Variants in SOX6 observed in about 807,000 individuals in gnomAD.
SOX6 encodes SRY-box transcription factor 6, also known as transcription factor SOX-6.
A neutral mutation model predicts 97.8 loss-of-function variants in SOX6; 11 were observed. The observed-to-expected ratio is 0.11, with a 90% CI of 0.07 to 0.19. SOX6 has a LOEUF of 0.19. Among genes scored for constraint, SOX6 ranks in the 10% least tolerant of loss-of-function variants. The pLI is 1.00. For synonymous variants in SOX6, 360 were observed against 371.4 expected (o/e 0.97, Z 0.35); for missense variants, 810 against 1,039.5 (o/e 0.78, Z 3.04).
intron 4 of SOX6, among the ~76,000 whole-genome samples, chr11:16,206,082 T>A (rs1852063878): frequency 6.6e-6 from 1 of 152,076 alleles, no homozygotes; most frequent in Admixed American, 6.5e-5. Flanking sequence ...GAATGGCAAA[T>A]GTATGTATGT....
intron 12 of SOX6, among the ~76,000 whole-genome samples, chr11:16,015,978 G>A (rs1340742100): frequency 3.3e-5 from 5 of 152,008 alleles, no homozygotes; most frequent in Middle Eastern, 3.2e-3. Flanking sequence ...TTCCAGCTCC[G>A]GGAATGGTTT....
chr11:16,132,315 G>A (rs377518963), intron 6 of SOX6, among the ~76,000 whole-genome samples: 4 of 106,348 alleles, frequency 3.8e-5, no homozygotes, highest in South Asian at 3.1e-4. Context: ...AGGAAGGAAG[G>A]AAGGAAGGAA....
intron 4 of SOX6, among the ~76,000 whole-genome samples, chr11:16,220,757 G>A (rs1852513946): frequency 1.3e-5 from 2 of 151,942 alleles, no homozygotes; most frequent in Non-Finnish European, 2.9e-5. Flanking sequence ...ATGCATGGTT[G>A]TTGTTGTTGT....
chr11:16,600,065 T>C (rs1357502184), intron 4 of SOX6, among the ~76,000 whole-genome samples: 1 of 152,232 alleles, frequency 6.6e-6, no homozygotes, highest in Non-Finnish European at 1.5e-5. Flanking sequence ...CATAAATGTT[T>C]GTACAAAATT....
chr11:16,642,222 T>C (rs945378036), intron 3 of SOX6, among the ~76,000 whole-genome samples: 16 of 152,204 alleles, frequency 1.1e-4, no homozygotes, highest in Non-Finnish European at 1.9e-4. Flanking sequence ...TTTAAGAATG[T>C]TGAATATTGG....
chr11:16,329,502 C>A (rs1290454062), intron 2 of SOX6, among the ~76,000 whole-genome samples: 1 of 152,132 alleles, frequency 6.6e-6, no homozygotes, highest in East Asian at 1.9e-4. Flanking sequence ...AAATAGTTAA[C>A]AAAGTACAGG....
intron 7 of SOX6, among the ~76,000 whole-genome samples, chr11:16,107,302 AGTAT>A (rs1186693194): frequency 6.6e-6 from 1 of 151,146 alleles, no homozygotes; most frequent in African/African-American, 2.4e-5. Flanking sequence ...TATTCACAGA[AGTAT>A]TATTCATAAT....
intron 6 of SOX6, among the ~76,000 whole-genome samples, chr11:16,125,235 C>T (rs1849580395): frequency 6.6e-6 from 1 of 151,872 alleles, no homozygotes; most frequent in Non-Finnish European, 1.5e-5. Flanking sequence ...TGATTCTTTT[C>T]CCCAAATGTT....
In SOX6 at chr11:16,498,467, T is replaced by G. The variant is rs1860646919; in HGVS notation, n.610-22079A>C. Among the ~76,000 whole-genome samples, 4 of 151,848 alleles carry G rather than the reference T, an allele frequency of 2.6e-5. No homozygotes were observed. In the South Asian group the frequency reaches 6.3e-4, roughly 24 times the overall value. On this transcript the variant is annotated intron_variant and non_coding_transcript_variant, in intron 4 of 5. Transcript: ENST00000524520. ...AAATTCACACATAACAATATTAACC[T>G]TAAGTGTAAATGGGCTAAATGCTCC...
At chr11:16,187,680 AG>A (rs1851517545) in intron 4 of SOX6, among the ~76,000 whole-genome samples, 1 of 152,124 alleles carries the variant, frequency 6.6e-6, no homozygotes, top group African/African-American at 2.4e-5. Context: ...AAGGTTGAAA[AG>A]GTTATGCATA....
At chr11:16,095,586 T>A (rs1848775853) in intron 9 of SOX6, among the ~76,000 whole-genome samples, 1 of 151,848 alleles carries the variant, frequency 6.6e-6, no homozygotes, top group Non-Finnish European at 1.5e-5. Context: ...AGCTGTTTTA[T>A]CTATACAAGC....
intron 4 of SOX6, among the ~76,000 whole-genome samples, chr11:16,187,955 A>T (rs1185773915): frequency 6.6e-6 from 1 of 152,136 alleles, no homozygotes; most frequent in Non-Finnish European, 1.5e-5. Context: ...GTCAAAGGGG[A>T]CAAAGATTGC....
chr11:16,054,625 C>A (rs899826291), intron 10 of SOX6, among the ~76,000 whole-genome samples: 1 of 152,054 alleles, frequency 6.6e-6, no homozygotes, highest in African/African-American at 2.4e-5. Flanking sequence ...TTTTAGAAAA[C>A]AAAACAATTT....
intron 3 of SOX6, among the ~76,000 whole-genome samples, chr11:16,621,840 T>C (rs1479628895): frequency 2.0e-5 from 3 of 152,184 alleles, no homozygotes; most frequent in Admixed American, 6.5e-5. Context: ...AATGCATATA[T>C]GCAAAGATTC....
chr11:16,527,691 G>A (rs1318953369), intron 4 of SOX6, among the ~76,000 whole-genome samples: 2 of 152,114 alleles, frequency 1.3e-5, no homozygotes, highest in Non-Finnish European at 2.9e-5. Flanking sequence ...GCATAGTGTT[G>A]TATTCTTGGC....
At chr11:16,177,363 A>G (rs1165299199) in intron 6 of SOX6, among the ~76,000 whole-genome samples, 1 of 151,946 alleles carries the variant, frequency 6.6e-6, no homozygotes, top group Non-Finnish European at 1.5e-5. Context: ...GGGTTCCCCA[A>G]AATTCCATTA....
At position 16,046,600 on chromosome 11, in the gene SOX6, C is replaced by G; in HGVS notation, c.1537G>C (p.Glu513Gln). The change falls in exon 12 of 16, where the codon GAG becomes CAG. Residue 513 changes from glutamate (E) to glutamine (Q), a missense_variant. By Grantham distance (29) the Glu-to-Gln change is conservative. Around this residue, in one of 9 missense-constraint regions of SOX6, gnomAD observed 120 missense variants for 127.0 expected, o/e 0.94. Transcript: ENST00000683767. ...ARKMREQIQREQQQQQPHGVD... is the reference protein window; with the variant it reads ...ARKMREQIQRQQQQQQPHGVD... Reference sequence around the variant, plus strand: ...CCATGTGGCTGTTGCTGCTGTTGCTCCCGCTGGATCTGCTCTCGCATCTTC... The same window carrying G: ...CCATGTGGCTGTTGCTGCTGTTGCTGCCGCTGGATCTGCTCTCGCATCTTC... The G allele has an allele frequency of 1.2e-6, 2 of 1,613,780 alleles. No individual in the cohort carries two copies. The highest frequency in any genetic ancestry group is 1.7e-6 in the Non-Finnish European group (2 of 1,179,822).
At chr11:16,510,855 A>G (rs192039290) in intron 4 of SOX6, among the ~76,000 whole-genome samples, 2 of 152,034 alleles carry the variant, frequency 1.3e-5, no homozygotes. Context: ...TCCATTTTCC[A>G]TGTGGGTAAA....
At chr11:16,083,710 G>T (rs1345550335) in intron 9 of SOX6, among the ~76,000 whole-genome samples, 1 of 152,148 alleles carries the variant, frequency 6.6e-6, no homozygotes, top group Non-Finnish European at 1.5e-5. Flanking sequence ...TATCTCTCTA[G>T]ACCTCAGTTT....
Sources: gnomAD v4.1 joint callset for allele counts (sites outside exome capture counted in the v4.1 genomes callset) on GRCh38, gnomAD v4.1.1 for gene constraint, gnomAD v4.1.1 regional missense constraint, MANE v1.5 for transcripts, NCBI Gene and HGNC (gene_info 2026-07-23, HGNC 2026-07-21) for gene names.